Variants in LTF observed in about 807,000 individuals in gnomAD.
The protein encoded by LTF is epididymis luminal protein 110.
In LTF, 91 loss-of-function variants were observed where a neutral mutation model predicts 87.2. The observed-to-expected ratio is 1.04, with a 90% CI of 0.88 to 1.24. The LOEUF is 1.24. LTF is among the 50% of genes most tolerant of loss of function. The probability of loss-of-function intolerance (pLI) is 0.00; values close to 1 mark genes in which losing one functional copy is unlikely to be tolerated. For synonymous variants in LTF, 378 were observed against 356.1 expected (o/e 1.06, Z -0.69); for missense variants, 901 against 904.3 (o/e 1.00, Z 0.05).
At position 46,459,653 on chromosome 3, in the gene LTF, C is replaced by A; in HGVS notation, c.207+3G>T. ...TCCCAACCAACACCCGGCATTGACT[C>A]ACCGCAATGGCCTGGATACACTGGA... is the stretch of plus-strand genomic sequence containing the variant. On this transcript the variant is annotated splice_donor_region_variant and intron_variant, in intron 2 of 16. Transcript: ENST00000231751. 6.9e-7 allele frequency: 1 copy of A among 1,445,776 alleles called. No individual in the cohort carries two copies. The allele number at this position is 1,445,776 out of a possible 1,614,324, so 89.6% of individuals were successfully genotyped here.
intron 1 of LTF, among the ~76,000 whole-genome samples, chr3:46,474,578 C>G (rs1271287205): frequency 6.6e-6 from 1 of 152,174 alleles, no homozygotes; most frequent in Non-Finnish European, 1.5e-5. Flanking sequence ...TAGAAGAATT[C>G]AACAACACCA....
chr3:46,445,652 C>A (rs932242578), intron 11 of LTF, among the ~76,000 whole-genome samples: 1 of 152,202 alleles, frequency 6.6e-6, no homozygotes, highest in East Asian at 1.9e-4. Context: ...GTAAGAAAAG[C>A]TGATTATTTT....
chr3:46,462,337 T>A (rs1160261779), intron 1 of LTF, among the ~76,000 whole-genome samples: 1 of 152,116 alleles, frequency 6.6e-6, no homozygotes, highest in Non-Finnish European at 1.5e-5. Flanking sequence ...AATGGAGACA[T>A]ACGTGTCTCC....
rs1330650728 is a variant in LTF, at chr3:46,455,913, G to T, written c.382C>A (p.Leu128Met). Residue 128 changes from leucine to methionine, a missense_variant, in exon 4 of 17, where the codon CTG becomes ATG. Coordinates refer to ENST00000231751, the MANE Select transcript of LTF (RefSeq NM_002343.6). ...GTGTGGCAGGACTTCAGACCTTGCA[G>T]TTCGTTCAGCTGAAAGCTGCCGCCC... ...KKGGSFQLNE[L>M]QGLKSCHTGL... 1.2e-6 allele frequency: 2 copies of T among 1,613,540 alleles called. No homozygotes were observed. The highest frequency in any genetic ancestry group is 1.7e-5 in the Admixed American group (1 of 59,902).
chr3:46,477,646 T>C (rs1703377147), intron 1 of LTF, among the ~76,000 whole-genome samples: 1 of 152,206 alleles, frequency 6.6e-6, no homozygotes, highest in Admixed American at 6.5e-5. Context: ...ATAAAGATGC[T>C]TAGAACAGTG....
intron 2 of LTF, 99 bp from the exon 3 acceptor site, chr3:46,456,497 C>A (rs1205837786): frequency 3.5e-6 from 3 of 867,228 alleles, no homozygotes; most frequent in South Asian, 1.5e-5. Context: ...CTGGAAGGGT[C>A]GTCAAAGGGG....
intron 13 of LTF, among the ~76,000 whole-genome samples, 167 bp downstream of exon 13, chr3:46,443,274 G>A (rs758503767): frequency 3.3e-5 from 5 of 152,214 alleles, no homozygotes; most frequent in African/African-American, 9.6e-5. Context: ...TCTCTGGGGC[G>A]GTGGGTGTGG....
upstream of LTF, chr3:46,464,921 C>A: frequency 6.3e-7 from 1 of 1,584,020 alleles, no homozygotes; most frequent in Non-Finnish European, 8.7e-7. Context: ...TTGCGCCTGC[C>A]CTGCGCCCCT....
At chr3:46,455,644 C>T (rs990288199) in intron 4 of LTF, 152 bp downstream of exon 4, 3 of 1,085,988 alleles carry the variant, frequency 2.8e-6, no homozygotes, top group Non-Finnish European at 4.0e-6. Context: ...GCTAGGGTAA[C>T]GGATCCTGCC....
At chr3:46,444,607 G>A (rs746537196) in intron 12 of LTF, among the ~76,000 whole-genome samples, 53 of 152,340 alleles carry the variant, frequency 3.5e-4, no homozygotes, top group Non-Finnish European at 6.0e-4. Context: ...TGGAGCTGGT[G>A]AGGAGCAGAG....
chr3:46,460,747 C>A, intron 1 of LTF: 1 of 270,684 alleles, frequency 3.7e-6, no homozygotes, highest in South Asian at 3.5e-5. Flanking sequence ...AAATGAGACA[C>A]CCATATTGGA....
At chr3:46,459,544 G>T in intron 2 of LTF, 112 bp downstream of exon 2, 1 of 1,094,400 alleles carries the variant, frequency 9.1e-7, no homozygotes, top group Non-Finnish European at 1.2e-6. Flanking sequence ...TCCCCACTTC[G>T]TTGCCCAACA....
chr3:46,448,688 G>A (rs944072249), intron 9 of LTF, among the ~76,000 whole-genome samples, 175 bp downstream of exon 9: 4 of 152,228 alleles, frequency 2.6e-5, no homozygotes, highest in African/African-American at 9.6e-5. Flanking sequence ...GAAACCCACA[G>A]TAAACTGCTT....
rs544133102 is a variant in LTF, at chr3:46,446,429, T to C, written c.1357+11A>G. 4.3e-6 allele frequency: 7 copies of C among 1,611,284 alleles called. No homozygotes were observed. In the South Asian group the frequency reaches 4.4e-5, roughly 10 times the overall value. The stretch of plus-strand genomic sequence containing the variant: ...TATCCTTGACCCTGAAAGTGGCTAA[T>C]GCCAACTCACCTTCCACAGGTCTAT... On this transcript the variant is annotated intron_variant, in intron 11 of 16. Coordinates refer to ENST00000231751, the MANE Select transcript of LTF (RefSeq NM_002343.6).
chr3:46,447,195 T>C, intron 10 of LTF, 113 bp downstream of exon 10: 4 of 743,512 alleles, frequency 5.4e-6, no homozygotes, highest in Non-Finnish European at 7.0e-6. Context: ...ATTCTCCCTT[T>C]TGAATGTATC....
chr3:46,477,254 G>GGAT (rs1703371208), intron 1 of LTF, among the ~76,000 whole-genome samples: 1 of 152,156 alleles, frequency 6.6e-6, no homozygotes, highest in African/African-American at 2.4e-5. Flanking sequence ...TCTCATTGGC[G>GGAT]GATAGTTCTT....
chr3:46,440,471 TG>T, intron 14 of LTF, among the ~76,000 whole-genome samples: 1 of 152,220 alleles, frequency 6.6e-6, no homozygotes, highest in Non-Finnish European at 1.5e-5. Context: ...CTTCAGTTAA[TG>T]GCTTGTAAAT....
At chr3:46,471,221 G>A (rs959420663) in intron 1 of LTF, among the ~76,000 whole-genome samples, 17 of 152,094 alleles carry the variant, frequency 1.1e-4, no homozygotes, top group African/African-American at 4.1e-4. Flanking sequence ...TTCACAGTCT[G>A]GCTGGCCTAC....
At chr3:46,444,409 G>A (rs150744266) in intron 12 of LTF, among the ~76,000 whole-genome samples, 60 of 152,272 alleles carry the variant, frequency 3.9e-4, no homozygotes, top group Admixed American at 5.9e-4. Flanking sequence ...ATCTGAATTC[G>A]TTCATTGTGT....
Sources: allele counts gnomAD v4.1 joint callset (sites outside exome capture counted in the v4.1 genomes callset), GRCh38; gene constraint gnomAD v4.1.1; transcripts MANE v1.5; gene names NCBI Gene and HGNC (gene_info 2026-07-23, HGNC 2026-07-21).